SPHKAP: variants seen among roughly 807,000 people sequenced by gnomAD.
The protein encoded by SPHKAP is SPHK1 interactor, AKAP domain containing, also known as A-kinase anchor protein SPHKAP.
Under a neutral mutation model 137.5 loss-of-function variants are expected in SPHKAP, and 67 were observed. The observed-to-expected ratio is 0.49, with a 90% CI of 0.40 to 0.60. The LOEUF (loss-of-function observed/expected upper bound fraction) is 0.60, where lower values mean the gene tolerates loss of function less well. Among genes scored for constraint, SPHKAP ranks in the 20% least tolerant of loss-of-function variants. SPHKAP has a pLI of 0.00. For synonymous variants in SPHKAP, 813 were observed against 785.3 expected, an observed-to-expected ratio of 1.04 and a Z score of -0.59; for missense variants, 2,097 against 2,069.3, an observed-to-expected ratio of 1.01 and a Z score of -0.26.
intron 1 of SPHKAP, among the ~76,000 whole-genome samples, chr2:228,177,250 T>C (rs1164534464): frequency 2.6e-5 from 4 of 151,604 alleles, no homozygotes; most frequent in Non-Finnish European, 5.9e-5. Flanking sequence ...CTTAACCAAC[T>C]ATCCACAACC....
At chr2:228,008,180 A>T (rs907886856) in intron 7 of SPHKAP, among the ~76,000 whole-genome samples, 15 of 152,132 alleles carry the variant, frequency 9.9e-5, no homozygotes, top group African/African-American at 3.6e-4. Flanking sequence ...TTTAATTTTA[A>T]TAAAGTCTAT....
At chr2:227,994,329 T>C (rs990893930) in intron 8 of SPHKAP, among the ~76,000 whole-genome samples, 3 of 152,208 alleles carry the variant, frequency 2.0e-5, no homozygotes, top group African/African-American at 7.2e-5. Context: ...GTCTAGTTAC[T>C]AGCCTGGAAC....
intron 2 of SPHKAP, among the ~76,000 whole-genome samples, chr2:228,109,140 G>C (rs77555507): frequency 0.019 from 2,851 of 152,132 alleles, 43 homozygotes; most frequent in Non-Finnish European, 0.023. Flanking sequence ...TAGCTTGAGA[G>C]AAATACATTA....
intron 2 of SPHKAP, among the ~76,000 whole-genome samples, chr2:228,110,856 G>T (rs1698496084): frequency 6.6e-6 from 1 of 151,986 alleles, no homozygotes; most frequent in Non-Finnish European, 1.5e-5. Context: ...TTAAAAATAT[G>T]TTATATAGGA....
At chr2:227,984,459 A>G (rs1474124322) in intron 11 of SPHKAP, among the ~76,000 whole-genome samples, 3 of 152,116 alleles carry the variant, frequency 2.0e-5, no homozygotes, top group Admixed American at 1.3e-4. Context: ...CTAATGAGGA[A>G]AATACTCTTG....
intron 3 of SPHKAP, among the ~76,000 whole-genome samples, chr2:228,038,789 C>A (rs1476516676): frequency 6.6e-6 from 1 of 152,142 alleles, no homozygotes; most frequent in East Asian, 1.9e-4. Context: ...TTGGTGAGTG[C>A]AGGTGACAGG....
At chr2:227,988,222 T>G (rs929582799) in intron 11 of SPHKAP, among the ~76,000 whole-genome samples, 7 of 152,180 alleles carry the variant, frequency 4.6e-5, no homozygotes, top group African/African-American at 1.7e-4. Flanking sequence ...CAAATGGTAC[T>G]CGTATTCGTG....
chr2:228,062,799 T>A (rs575466488), intron 3 of SPHKAP, among the ~76,000 whole-genome samples: 3 of 152,150 alleles, frequency 2.0e-5, no homozygotes, highest in Non-Finnish European at 4.4e-5. Context: ...AAAAGAAACA[T>A]AATGAATCAA....
intron 1 of SPHKAP, among the ~76,000 whole-genome samples, chr2:228,154,532 ATTTTTTTTTTTTTTTTTTTTTT>A (rs1168623467): frequency 1.7e-4 from 5 of 29,404 alleles, no homozygotes; most frequent in Admixed American, 6.8e-4. Flanking sequence ...ATATATATAT[ATTTTTTTTTTTTTTTTTTTTTT>A]TTTTTTTTTT....
At chr2:228,147,489 G>C (rs1699808139) in intron 1 of SPHKAP, among the ~76,000 whole-genome samples, 1 of 152,130 alleles carries the variant, frequency 6.6e-6, no homozygotes, top group Non-Finnish European at 1.5e-5. Flanking sequence ...GAGAAGACTG[G>C]CAGTTAATAT....
intron 1 of SPHKAP, among the ~76,000 whole-genome samples, chr2:228,134,073 G>C (rs1699353513): frequency 6.6e-6 from 1 of 150,396 alleles, no homozygotes. Context: ...AAGAAAAAGA[G>C]AGAGAAAGAA....
intron 1 of SPHKAP, among the ~76,000 whole-genome samples, chr2:228,151,231 G>T (rs1383571192): frequency 6.6e-6 from 1 of 151,056 alleles, no homozygotes; most frequent in African/African-American, 2.4e-5. Context: ...ATGATTTCCA[G>T]TTTCATCCAT....
chr2:228,098,351 T>C (rs917879931), intron 3 of SPHKAP, among the ~76,000 whole-genome samples: 1 of 152,160 alleles, frequency 6.6e-6, no homozygotes, highest in Non-Finnish European at 1.5e-5. Context: ...AGCAAAGACT[T>C]GGAACCAACC....
intron 3 of SPHKAP, among the ~76,000 whole-genome samples, chr2:228,091,337 C>T (rs542789424): frequency 2.0e-4 from 31 of 152,198 alleles, no homozygotes; most frequent in East Asian, 1.4e-3. Context: ...TTGGAAAACC[C>T]GTTCTAGACA....
rs145506918 is a variant in SPHKAP at position 228,019,260 on chromosome 2, T to C, written c.1594A>G (p.Ser532Gly). Residue 532 changes from serine (S) to glycine (G), a missense_variant, in exon 7 of 12, where the codon AGC becomes GGC. By Grantham distance (56) the Ser-to-Gly change is moderately conservative. Transcript: ENST00000392056. The stretch of plus-strand genomic sequence containing the variant: ...GCTTGAGTTTGCAGTGCACCACTGC[T>C]CCCTGGGGGAAAGTTCGAGACCACT... The part of the protein sequence containing the change: ...EQVVSNFPPG[S>G]SGALQTQAPQ... The C allele has an allele frequency of 2.0e-4, 315 of 1,613,980 alleles. 3 individuals carry two copies. The African/African-American group carries it at 2.2e-3, about 11-fold the overall frequency.
chr2:228,017,069 C>A lies in SPHKAP; in HGVS notation c.3785G>T (p.Gly1262Val). The change falls in exon 7 of 12, where the codon GGC becomes GTC. Residue 1262 changes from glycine to valine, a missense_variant. By Grantham distance (109) the Gly-to-Val change is moderately radical. Transcript: ENST00000392056. ...ATCTTGTGGGCAGTTCTGAGCAAAG[C>A]CATCTAAAGAGTTGGCTTTGATGGG... is the stretch of plus-strand genomic sequence containing the variant. The part of the protein sequence containing the change: ...NVPIKANSLD[G>V]FAQNCPQDFL... 1 of 1,614,086 alleles carries A rather than the reference C, an allele frequency of 6.2e-7. No homozygotes were observed. Among genetic ancestry groups the A allele is most frequent in the Non-Finnish European group, 8.5e-7 (1 of 1,180,022 alleles).
Position 228,181,079 on chromosome 2 carries a change from G to C in SPHKAP, c.32+488C>G, listed in dbSNP as rs1366366313. Among the ~76,000 whole-genome samples the C allele has an allele frequency of 6.6e-6, 1 of 152,022 alleles. No individual in the cohort carries two copies. The highest frequency in any genetic ancestry group is 1.5e-5 in the Non-Finnish European group (1 of 67,992). ...TCGCTTTGGGGGCAGTCTAGGTGTC[G>C]GTCGGGGGTGAGGGACAATCTTCCC... On this transcript the variant is annotated intron_variant, in intron 1 of 11. Transcript: ENST00000392056. This position sits in a 1 kb window ranked among gnomAD's most constrained non-coding sequence, Gnocchi z 4.3.
chr2:228,031,464 C>T (rs1456693307), intron 3 of SPHKAP, among the ~76,000 whole-genome samples: 1 of 152,232 alleles, frequency 6.6e-6, no homozygotes, highest in Admixed American at 6.5e-5. Flanking sequence ...AACAAAAAGA[C>T]AGCAGTAACC....
chr2:228,135,764 C>T (rs139886811), intron 1 of SPHKAP, among the ~76,000 whole-genome samples: 42 of 152,018 alleles, frequency 2.8e-4, no homozygotes, highest in African/African-American at 8.4e-4. Flanking sequence ...GAGTATTAAA[C>T]GAGGAAGTTG....
Sources: gnomAD v4.1 joint callset for allele counts (sites outside exome capture counted in the v4.1 genomes callset) on GRCh38, gnomAD v4.1.1 for gene constraint, Gnocchi (gnomAD v3.1) non-coding constraint, MANE v1.5 for transcripts, NCBI Gene and HGNC (gene_info 2026-07-23, HGNC 2026-07-21) for gene names.